The following PLA2G4A variants were observed in gnomAD, a reference collection of about 807,000 sequenced individuals.
PLA2G4A encodes the protein cytosolic phospholipase A2.
A neutral mutation model predicts 81.9 loss-of-function variants in PLA2G4A; 40 were observed. The ratio of observed to expected loss-of-function variants is 0.49; its 90% CI spans 0.38 to 0.64. The LOEUF is 0.64. PLA2G4A is among the 30% of genes least tolerant of loss of function. The pLI, the probability that PLA2G4A is intolerant of heterozygous loss-of-function variation, is 0.00. For missense variants in PLA2G4A, 715 were observed against 905.1 expected (o/e 0.79, Z 2.69); for synonymous variants, 302 against 296.9 (o/e 1.02, Z -0.18).
intron 10 of PLA2G4A, among the ~76,000 whole-genome samples, chr1:186,945,813 G>A (rs914055475): frequency 3.9e-5 from 6 of 152,134 alleles, no homozygotes; most frequent in African/African-American, 7.2e-5. Context: ...AGACATAGTC[G>A]TAGCCATGGG....
chr1:186,958,106 G>A (rs2102260797), intron 14 of PLA2G4A, among the ~76,000 whole-genome samples: 1 of 152,126 alleles, frequency 6.6e-6, no homozygotes, highest in African/African-American at 2.4e-5. Context: ...TATTACAGAG[G>A]CAAAAATGAC....
intron 1 of PLA2G4A, among the ~76,000 whole-genome samples, chr1:186,838,840 T>C (rs1342757413): frequency 6.6e-6 from 1 of 152,208 alleles, no homozygotes; most frequent in African/African-American, 2.4e-5. Flanking sequence ...GTGTAAAACA[T>C]TTTGTGATAA....
intron 5 of PLA2G4A, among the ~76,000 whole-genome samples, chr1:186,895,505 T>C (rs1654302726): frequency 6.6e-6 from 1 of 152,228 alleles, no homozygotes; most frequent in Admixed American, 6.5e-5. Context: ...TGCCAGCCAT[T>C]GTGTTTTGTT....
chr1:186,874,728 A>G (rs560327325), intron 3 of PLA2G4A, among the ~76,000 whole-genome samples: 94 of 152,188 alleles, frequency 6.2e-4, no homozygotes, highest in Middle Eastern at 6.8e-3. Context: ...GCTCACATTT[A>G]TACTCTAATA....
chr1:186,979,473 G>A lies in PLA2G4A; in HGVS notation c.2118+1G>A. The A allele has an allele frequency of 6.4e-7, 1 of 1,572,098 alleles. No individual in the cohort carries two copies. Among genetic ancestry groups the A allele is most frequent in the Admixed American group, 1.7e-5 (1 of 59,988 alleles). On this transcript the variant is annotated splice_donor_variant, in intron 17 of 17. Transcript: ENST00000367466. LOFTEE classifies it high-confidence loss of function. ...CTTCAATACTCTGAACAACATTGAT[G>A]TAAGTATCTCCTATGGCCATTGACT...
intron 15 of PLA2G4A, among the ~76,000 whole-genome samples, chr1:186,972,683 G>T (rs12720672): frequency 0.022 from 3,373 of 152,174 alleles, 137 homozygotes; most frequent in African/African-American, 0.076. Context: ...AGAACAACGG[G>T]TTAATTCTCT....
At chr1:186,830,321 A>G (rs1651498472) in intron 1 of PLA2G4A, among the ~76,000 whole-genome samples, 1 of 152,130 alleles carries the variant, frequency 6.6e-6, no homozygotes. Context: ...AAAGTAAGTT[A>G]TTCTGGCTGG....
At chr1:186,955,964 T>A (rs1656735229) in intron 13 of PLA2G4A, 138 bp from the exon 14 acceptor site, 1 of 698,724 alleles carries the variant, frequency 1.4e-6, no homozygotes, top group South Asian at 1.5e-5. Context: ...ATGGTCTCAA[T>A]CTCTTGACCT....
intron 2 of PLA2G4A, among the ~76,000 whole-genome samples, chr1:186,858,133 T>G (rs894207969): frequency 1.6e-4 from 24 of 152,146 alleles, no homozygotes; most frequent in African/African-American, 5.1e-4. Flanking sequence ...GTAATGGGAT[T>G]GCTGGGCCAA....
intron 1 of PLA2G4A, among the ~76,000 whole-genome samples, chr1:186,842,601 T>C (rs1474331093): frequency 6.6e-6 from 1 of 152,104 alleles, no homozygotes; most frequent in East Asian, 1.9e-4. Flanking sequence ...CATGTCCTAA[T>C]CCAATTTGAC....
intron 10 of PLA2G4A, among the ~76,000 whole-genome samples, chr1:186,945,262 G>T (rs918987709): frequency 1.3e-5 from 2 of 152,160 alleles, no homozygotes; most frequent in Non-Finnish European, 2.9e-5. Flanking sequence ...CCGTGTGGCT[G>T]AAGTGAAGTG....
intron 12 of PLA2G4A, among the ~76,000 whole-genome samples, chr1:186,949,918 C>A (rs1337060906): frequency 5.3e-5 from 8 of 151,986 alleles, no homozygotes; most frequent in Non-Finnish European, 1.5e-5. Flanking sequence ...TGCCTATAAT[C>A]CCAGCTACTC....
chr1:186,845,317 A>G lies in PLA2G4A; in HGVS notation c.-69-8969A>G, dbSNP rs77338964. On this transcript the variant is annotated intron_variant, in intron 1 of 17. Transcript: ENST00000367466. Reference sequence around the variant, plus strand: ...CATCACCAGTTTCATAAACAATGATAATAATAATGATTATTTTGTACATTT... The same window carrying G: ...CATCACCAGTTTCATAAACAATGATGATAATAATGATTATTTTGTACATTT... Among the ~76,000 whole-genome samples the G allele has an allele frequency of 3.5e-3, 526 of 152,322 alleles. 2 individuals carry two copies. The highest frequency in any genetic ancestry group is 0.012 in the African/African-American group (509 of 41,576).
In PLA2G4A at chr1:186,950,687, A is replaced by G. The variant is rs764018589; in HGVS notation, c.1295A>G (p.Asn432Ser). Reference protein sequence around the residue: ...ENITTKHIVSNDSSDSDDESH... With the variant: ...ENITTKHIVSSDSSDSDDESH... ...ATTACCACAAAGCATATTGTGAGTA[A>G]TGATAGCTCGGACAGTGATGATGAA... The change falls in exon 13 of 18, where the codon AAT (asparagine) becomes AGT (serine). Residue 432 changes from asparagine (N) to serine (S), a missense_variant. Transcript: ENST00000367466. 1.1e-5 allele frequency: 18 copies of G among 1,604,766 alleles called. No homozygotes were observed. In the Admixed American group the frequency reaches 2.2e-4, roughly 19 times the overall value.
rs769944300 is a variant in PLA2G4A, at chr1:186,950,738, C to G, written c.1336+10C>G. ...TCACACGAACCCAAAGGTGAGTGAG[C>G]CGGAAACTTTTCTGGCCCAGATCCA... is the stretch of plus-strand genomic sequence containing the variant. On this transcript the variant is annotated intron_variant, in intron 13 of 17. Transcript: ENST00000367466. 6.5e-7 allele frequency: 1 copy of G among 1,539,786 alleles called. No homozygotes were observed. The highest frequency in any genetic ancestry group is 1.7e-5 in the Admixed American group (1 of 59,722).
chr1:186,876,042 G>T (rs1180168825), intron 3 of PLA2G4A, among the ~76,000 whole-genome samples: 1 of 152,080 alleles, frequency 6.6e-6, no homozygotes, highest in Non-Finnish European at 1.5e-5. Flanking sequence ...ACTTGAGTTT[G>T]TTCTGCCTTA....
At chr1:186,841,790 A>G (rs1276100385) in intron 1 of PLA2G4A, among the ~76,000 whole-genome samples, 1 of 152,140 alleles carries the variant, frequency 6.6e-6, no homozygotes, top group Non-Finnish European at 1.5e-5. Flanking sequence ...TTTGTAATGC[A>G]TTATGTGAAA....
At chr1:186,907,909 G>A (rs941655855) in intron 6 of PLA2G4A, among the ~76,000 whole-genome samples, 32 of 152,126 alleles carry the variant, frequency 2.1e-4, no homozygotes, top group Admixed American at 5.2e-4. Flanking sequence ...GTTCATTCTT[G>A]CTTAAAAGTG....
chr1:186,978,215 T>C (rs1467763422), intron 16 of PLA2G4A, among the ~76,000 whole-genome samples: 3 of 152,212 alleles, frequency 2.0e-5, no homozygotes, highest in East Asian at 1.9e-4. Flanking sequence ...CAGTTTGCCA[T>C]GTTGTATTTC....
Sources: allele counts gnomAD v4.1 joint callset (sites outside exome capture counted in the v4.1 genomes callset), GRCh38; gene constraint gnomAD v4.1.1; transcripts MANE v1.5; gene names NCBI Gene and HGNC (gene_info 2026-07-23, HGNC 2026-07-21).